The following GNG2 variants were observed in gnomAD, a reference collection of about 807,000 sequenced individuals.
GNG2 encodes the protein G protein subunit gamma 2, also known as guanine nucleotide-binding protein G(I)/G(S)/G(O) subunit gamma-2.
In GNG2, 5 loss-of-function variants were observed where a neutral mutation model predicts 5.5. The observed-to-expected ratio is 0.91, with a 90% confidence interval of 0.48 to 1.92. GNG2 has a LOEUF of 1.92. Ranked by LOEUF, GNG2 falls within the 30% of genes most tolerant of loss-of-function variation. The pLI is 0.01. For synonymous variants in GNG2, 28 were observed against 32.0 expected, an observed-to-expected ratio of 0.88 and a Z score of 0.42; for missense variants, 55 against 88.4, an observed-to-expected ratio of 0.62 and a Z score of 1.52.
intron 2 of GNG2, among the ~76,000 whole-genome samples, chr14:51,849,338 C>G (rs1038263632): frequency 1.3e-5 from 2 of 152,198 alleles, no homozygotes; most frequent in East Asian, 3.8e-4. Flanking sequence ...TATGACCTAG[C>G]CTTGAAAAAT....
At chr14:51,840,357 C>T (rs1363874082) in intron 2 of GNG2, among the ~76,000 whole-genome samples, 1 of 152,204 alleles carries the variant, frequency 6.6e-6, no homozygotes, top group Non-Finnish European at 1.5e-5. Flanking sequence ...AAATGTTCCA[C>T]ACAAAATCTA....
intron 2 of GNG2, among the ~76,000 whole-genome samples, chr14:51,882,182 A>C (rs150742870): frequency 1.3e-4 from 20 of 152,340 alleles, no homozygotes; most frequent in Non-Finnish European, 2.6e-4. Context: ...TCTTGGAACT[A>C]GTTAGCAGTG....
intron 2 of GNG2, among the ~76,000 whole-genome samples, chr14:51,836,650 A>T (rs1179577862): frequency 6.6e-6 from 1 of 151,920 alleles, no homozygotes; most frequent in Non-Finnish European, 1.5e-5. Flanking sequence ...AAAATCTATT[A>T]AGTCTAATGT....
At chr14:51,832,976 G>A (rs529176114) in intron 2 of GNG2, among the ~76,000 whole-genome samples, 10 of 152,170 alleles carry the variant, frequency 6.6e-5, no homozygotes, top group South Asian at 2.1e-4. Context: ...CAAGGTCTTC[G>A]CAACAAGGAA....
chr14:51,838,835 T>C (rs1881409223), intron 2 of GNG2, among the ~76,000 whole-genome samples: 1 of 152,102 alleles, frequency 6.6e-6, no homozygotes, highest in African/African-American at 2.4e-5. Flanking sequence ...GCCTGGGAGA[T>C]CAAGGCTGCA....
At chr14:51,944,463 G>T (rs1003768705) in intron 2 of GNG2, among the ~76,000 whole-genome samples, 1 of 152,078 alleles carries the variant, frequency 6.6e-6, no homozygotes, top group Admixed American at 6.5e-5. Flanking sequence ...CTTCCCAAGG[G>T]CTCCACCTCC....
At chr14:51,913,524 CAAAT>C (rs1468358918) in intron 2 of GNG2, among the ~76,000 whole-genome samples, 1 of 151,968 alleles carries the variant, frequency 6.6e-6, no homozygotes, top group East Asian at 1.9e-4. Context: ...TAAAAATAAA[CAAAT>C]AAGTTTATGG....
chr14:51,837,734 G>A (rs1416541403), intron 2 of GNG2, among the ~76,000 whole-genome samples: 4 of 152,024 alleles, frequency 2.6e-5, no homozygotes, highest in African/African-American at 9.7e-5. Context: ...GAACCAGCAG[G>A]CAGTTGAAAT....
intron 2 of GNG2, among the ~76,000 whole-genome samples, chr14:51,849,154 C>T (rs1374456369): frequency 6.6e-6 from 1 of 152,132 alleles, no homozygotes; most frequent in African/African-American, 2.4e-5. Context: ...GGATCCATTT[C>T]CAAGGTGGCT....
chr14:51,914,687 A>C (rs560052604), intron 2 of GNG2, among the ~76,000 whole-genome samples: 31 of 152,320 alleles, frequency 2.0e-4, no homozygotes, highest in African/African-American at 7.0e-4. Context: ...GGTAACAAAG[A>C]GAGGTCTTTG....
At chr14:51,889,693 C>G (rs1291303972) in intron 2 of GNG2, among the ~76,000 whole-genome samples, 1 of 152,034 alleles carries the variant, frequency 6.6e-6, no homozygotes, top group African/African-American at 2.4e-5. Context: ...CCTATATTTC[C>G]AGGTGTTGAG....
At chr14:51,842,531 T>A (rs929534871) in intron 2 of GNG2, among the ~76,000 whole-genome samples, 1 of 152,260 alleles carries the variant, frequency 6.6e-6, no homozygotes, top group African/African-American at 2.4e-5. Flanking sequence ...CCAGAGTAGC[T>A]TTTCCTGAGG....
chr14:51,931,734 TG>T (rs1422125354), intron 2 of GNG2, among the ~76,000 whole-genome samples: 1 of 152,178 alleles, frequency 6.6e-6, no homozygotes, highest in Non-Finnish European at 1.5e-5. Context: ...GAACTGCTGG[TG>T]AGAACGTAAA....
At chr14:51,912,089 G>A (rs1790655670) in intron 2 of GNG2, among the ~76,000 whole-genome samples, 2 of 134,032 alleles carry the variant, frequency 1.5e-5, no homozygotes, top group East Asian at 2.9e-4. Context: ...CACAGGTTAA[G>A]TAACTTGCCC....
intron 2 of GNG2, among the ~76,000 whole-genome samples, chr14:51,922,897 G>A (rs1371517369): frequency 6.6e-6 from 1 of 152,170 alleles, no homozygotes; most frequent in East Asian, 1.9e-4. Flanking sequence ...TGGGGGCAGA[G>A]GAGAAGGGAA....
At chr14:51,855,449 G>A (rs960264910), upstream of GNG2, among the ~76,000 whole-genome samples, 5 of 152,266 alleles carry the variant, frequency 3.3e-5, no homozygotes, top group Non-Finnish European at 7.4e-5. Flanking sequence ...ATGTCTGGAG[G>A]GAGAGAATGA....
At chr14:51,903,335 T>C (rs562353375) in intron 2 of GNG2, among the ~76,000 whole-genome samples, 2 of 152,354 alleles carry the variant, frequency 1.3e-5, no homozygotes, top group African/African-American at 4.8e-5. Context: ...TTGACCAAAA[T>C]GTTTAACAGA....
intron 3 of GNG2, among the ~76,000 whole-genome samples, chr14:51,955,625 A>G (rs150080874): frequency 2.6e-5 from 4 of 152,306 alleles, no homozygotes; most frequent in African/African-American, 9.6e-5. Flanking sequence ...AGTTACATTT[A>G]TGGACTTGGA....
intron 2 of GNG2, among the ~76,000 whole-genome samples, chr14:51,853,369 C>T (rs1396414579): frequency 6.6e-6 from 1 of 152,108 alleles, no homozygotes. Flanking sequence ...GCCATAGTTC[C>T]CTCCACTGCT....
Sources: allele counts gnomAD v4.1 joint callset (sites outside exome capture counted in the v4.1 genomes callset), GRCh38; gene constraint gnomAD v4.1.1; transcripts MANE v1.5; gene names NCBI Gene and HGNC (gene_info 2026-07-23, HGNC 2026-07-21).